Variants in EIF4G1 observed in about 807,000 individuals in gnomAD.
EIF4G1 encodes EIF4-gamma.
EIF4G1 carries 4 observed loss-of-function variants against 187.8 expected under a neutral mutation model. That is an observed-to-expected ratio of 0.02 (90% CI 0.01 to 0.05). The LOEUF is 0.05. Among genes scored for constraint, EIF4G1 ranks in the 10% least tolerant of loss-of-function variants. EIF4G1 has a pLI of 1.00. For synonymous variants in EIF4G1, 844 were observed against 781.4 expected (o/e 1.08, Z -1.34); for missense variants, 1,647 against 2,081.1 (o/e 0.79, Z 4.06).
rs1448925443 is a variant in EIF4G1 at position 184,329,011 on chromosome 3, C to T, written c.4161+21C>T. 3 of 1,613,584 alleles carry T rather than the reference C, an allele frequency of 1.9e-6. No homozygotes were observed. The African/African-American group carries it at 4.0e-5, about 22-fold the overall frequency. On this transcript the variant is annotated intron_variant, in intron 28 of 32. Coordinates refer to ENST00000346169, the MANE Select transcript of EIF4G1 (RefSeq NM_198241.3). Reference sequence around the variant, plus strand: ...GCATGGTGAGTGAGGGCCAGGAGTCCAGAGATGCCTCCCACGGTGTGGTTT... The same window carrying T: ...GCATGGTGAGTGAGGGCCAGGAGTCTAGAGATGCCTCCCACGGTGTGGTTT...
In EIF4G1 at chr3:184,327,264, C is replaced by T. The variant is rs1725121103; in HGVS notation, c.3477C>T (p.Asp1159=). 1.2e-6 allele frequency: 2 copies of T among 1,613,492 alleles called. No homozygotes were observed. The highest frequency in any genetic ancestry group is 1.7e-6 in the Non-Finnish European group (2 of 1,180,054). Residue 1159 remains aspartate, a synonymous_variant, in exon 24 of 33, where the codon GAC becomes GAT. Transcript: ENST00000346169. ...ERGEKAGDRG[D]RLERSERGGD... is the part of the protein sequence containing the mutation. ...GCGAGAAAGCTGGAGACCGAGGAGA[C>T]CGCCTAGAGCGGAGTGAACGGGGAG... is the stretch of plus-strand genomic sequence containing the variant.
Position 184,331,301 on chromosome 3 carries a change from C to T in EIF4G1, c.4197C>T (p.Ala1399=), listed in dbSNP as rs777853448. 57 of 1,614,038 alleles carry T rather than the reference C, an allele frequency of 3.5e-5. No individual in the cohort carries two copies. Among genetic ancestry groups the T allele is most frequent in the Non-Finnish European group, 4.6e-5 (54 of 1,180,038 alleles). ...AGGTGGGGACGCTGTGGCGAGAAGC[C>T]GGGCTTAGCTGGAAGGAATTTCTAC... The part of the protein sequence containing the change: ...PKKVGTLWRE[A]GLSWKEFLPE... The change falls in exon 29 of 33, where the codon GCC becomes GCT. Residue 1399 remains alanine, a synonymous_variant. Coordinates refer to ENST00000346169, the MANE Select transcript of EIF4G1 (RefSeq NM_198241.3).
At chr3:184,315,288 C>T (rs762487903) in intron 1 of EIF4G1, 8 of 464,456 alleles carry the variant, frequency 1.7e-5, no homozygotes, top group East Asian at 1.3e-4. Flanking sequence ...AGTGCGGGTT[C>T]CCCGGCGGCA....
intron 6 of EIF4G1, 125 bp downstream of exon 6, chr3:184,317,941 A>C: frequency 1.3e-6 from 1 of 748,174 alleles, no homozygotes; most frequent in East Asian, 2.7e-5. Flanking sequence ...TAAGGTTAAT[A>C]GGTGGTAGGG....
At chr3:184,322,787 G>A in intron 12 of EIF4G1, 34 bp from the exon 13 acceptor site, 1 of 1,614,188 alleles carries the variant, frequency 6.2e-7, no homozygotes, top group Non-Finnish European at 8.5e-7. Context: ...GCCAGAGGAG[G>A]CAGTATGATT....
chr3:184,315,135 C>T (rs1722504714), intron 1 of EIF4G1: 2 of 341,010 alleles, frequency 5.9e-6, no homozygotes, highest in Non-Finnish European at 1.2e-5. Flanking sequence ...GGAGGAGCCC[C>T]CGGCCCCGCC....
intron 6 of EIF4G1, among the ~76,000 whole-genome samples, chr3:184,318,530 T>C (rs1723184241): frequency 6.6e-6 from 1 of 152,090 alleles, no homozygotes; most frequent in Admixed American, 6.6e-5. Context: ...GACAGGCGGA[T>C]CACTTGAGGT....
In EIF4G1 at chr3:184,321,006, G is replaced by A. The variant is rs370507207; in HGVS notation, c.697+13G>A. The A allele has an allele frequency of 6.8e-6, 11 of 1,613,062 alleles. No individual in the cohort carries two copies. Among genetic ancestry groups the A allele is most frequent in the Middle Eastern group, 1.8e-4 (1 of 5,690 alleles). ...ATTGTCCGGCCAGGTAAGTAAGCCG[G>A]TGGGACGGAGCTTTTATGGGGAAAG... On this transcript the variant is annotated intron_variant, in intron 9 of 32. Transcript: ENST00000346169.
chr3:184,316,388 C>T (rs1318923654), intron 4 of EIF4G1, among the ~76,000 whole-genome samples, 170 bp downstream of exon 4: 6 of 152,114 alleles, frequency 3.9e-5, no homozygotes, highest in Non-Finnish European at 8.8e-5. Context: ...TGGCTGGTCC[C>T]TTGGATAGTA....
chr3:184,329,094 G>A, intron 28 of EIF4G1, 104 bp downstream of exon 28: 1 of 1,355,662 alleles, frequency 7.4e-7, no homozygotes, highest in Non-Finnish European at 1.0e-6. Flanking sequence ...GAGTGATGGT[G>A]ATGACAGGAT....
chr3:184,320,861 T>C (rs754733407), intron 8 of EIF4G1, 66 bp from the exon 9 acceptor site: 1 of 1,610,494 alleles, frequency 6.2e-7, no homozygotes, highest in Admixed American at 1.7e-5. Context: ...AAAGTAGAAA[T>C]GGCTCTAGTA....
At position 184,320,731 on chromosome 3, in the gene EIF4G1, T is replaced by C; in HGVS notation, c.630+9T>C. 3 of 1,614,146 alleles carry C rather than the reference T, an allele frequency of 1.9e-6. No homozygotes were observed. The highest frequency in any genetic ancestry group is 2.5e-6 in the Non-Finnish European group (3 of 1,180,000). ...CACCCACCCCTCCCCAGGTACTGTC[T>C]GCTTTTCGAGTGATACCCTGGCTGG... On this transcript the variant is annotated intron_variant, in intron 8 of 32. Transcript: ENST00000346169.
intron 28 of EIF4G1, 131 bp from the exon 29 acceptor site, chr3:184,331,135 T>G (rs1726016626): frequency 1.0e-6 from 1 of 981,350 alleles, no homozygotes; most frequent in Non-Finnish European, 1.6e-6. Context: ...TTAGTATTTC[T>G]ATAGCATCCT....
At position 184,315,540 on chromosome 3, in the gene EIF4G1, G is replaced by A; in HGVS notation, c.-40G>A. 2 of 741,020 alleles carry A rather than the reference G, an allele frequency of 2.7e-6. No individual in the cohort carries two copies. The highest frequency in any genetic ancestry group is 2.5e-6 in the Non-Finnish European group (1 of 400,314). The allele number at this position is 741,020 out of a possible 1,614,324, so 45.9% of individuals were successfully genotyped here. On this transcript the variant is annotated 5_prime_UTR_variant, in exon 2 of 33. Transcript: ENST00000346169. ...CCGCACCGTGGACTTGTTCTTAATC[G>A]AGGGGGTGAGTGAGGGGTCTGTTTC... is the stretch of plus-strand genomic sequence containing the variant.
rs1190595260 is a variant in EIF4G1, at chr3:184,316,233, G to A, written c.147+15G>A. On this transcript the variant is annotated intron_variant, in intron 4 of 32. Coordinates refer to ENST00000346169, the MANE Select transcript of EIF4G1 (RefSeq NM_198241.3). The stretch of plus-strand genomic sequence containing the variant: ...AGCCCCGCCAGGTGAGGGGCTGTGG[G>A]GAGGGGAGTAGGGGACCTGGGTGGG... 6.2e-7 allele frequency: 1 copy of A among 1,613,860 alleles called. No individual in the cohort carries two copies. The highest frequency in any genetic ancestry group is 8.5e-7 in the Non-Finnish European group (1 of 1,179,916).
rs1373500106 is a variant in EIF4G1 at position 184,326,465 on chromosome 3, G to T, written c.3223-62G>T. 12 of 1,566,068 alleles carry T rather than the reference G, an allele frequency of 7.7e-6. No homozygotes were observed. The Admixed American group carries it at 2.0e-4, about 26-fold the overall frequency. ...CACTACCTGTTTGGTTGCATATGGT[G>T]GTGCTGGCCAAGGGACTCAGCCGGG... On this transcript the variant is annotated intron_variant, in intron 21 of 32. Transcript: ENST00000346169.
rs765716216 is a variant in EIF4G1, at chr3:184,320,830, C to T, written c.631-97C>T. 29 of 1,606,354 alleles carry T rather than the reference C, an allele frequency of 1.8e-5. No homozygotes were observed. In the South Asian group the frequency reaches 2.8e-4, roughly 15 times the overall value. ...ACTAAGGGATTTATTTCCCTGCTTT[C>T]CTGGATTTCTAGGCAGAGCTAAAGT... On this transcript the variant is annotated intron_variant, in intron 8 of 32. Transcript: ENST00000346169.
chr3:184,318,350 G>T (rs900319559), intron 6 of EIF4G1, among the ~76,000 whole-genome samples: 4 of 152,202 alleles, frequency 2.6e-5, no homozygotes, highest in Non-Finnish European at 4.4e-5. Flanking sequence ...TAAAGAATGT[G>T]CCCGGATCTT....
At chr3:184,324,389 C>A (rs1724454770) in intron 17 of EIF4G1, 42 bp downstream of exon 17, 2 of 1,613,684 alleles carry the variant, frequency 1.2e-6, no homozygotes, top group Non-Finnish European at 1.7e-6. Flanking sequence ...CCACTTACCT[C>A]CTTCCCTTAC....
Sources: gnomAD v4.1 joint callset for allele counts (sites outside exome capture counted in the v4.1 genomes callset) on GRCh38, gnomAD v4.1.1 for gene constraint, MANE v1.5 for transcripts, NCBI Gene and HGNC (gene_info 2026-07-23, HGNC 2026-07-21) for gene names.